The following PKHD1 variants were observed in gnomAD, a reference collection of about 807,000 sequenced individuals.
PKHD1 encodes the protein PKHD1 ciliary IPT domain containing fibrocystin/polyductin, also known as fibrocystin.
In PKHD1, 291 loss-of-function variants were observed where a neutral mutation model predicts 412.0. That is an observed-to-expected ratio of 0.71 (90% CI 0.64 to 0.78). The LOEUF is 0.78. PKHD1 is among the 30% of genes least tolerant of loss of function. The pLI is 0.00. For synonymous variants in PKHD1, 1,777 were observed against 1,821.5 expected, an observed-to-expected ratio of 0.98 and a Z score of 0.62; for missense variants, 4,825 against 4,950.7, an observed-to-expected ratio of 0.97 and a Z score of 0.76.
chr6:52,035,483 A>G, intron 28 of PKHD1, 108 bp downstream of exon 28: 2 of 1,098,438 alleles, frequency 1.8e-6, no homozygotes, highest in Non-Finnish European at 2.8e-6. Context: ...TATCATAATG[A>G]GAAGTTTACA....
chr6:51,685,199 TAA>T (rs1777251586), intron 60 of PKHD1, among the ~76,000 whole-genome samples: 1 of 152,042 alleles, frequency 6.6e-6, no homozygotes, highest in African/African-American at 2.4e-5. Context: ...CTGTTAGGAG[TAA>T]GAGTGGGAGA....
At position 51,918,501 on chromosome 6, in the gene PKHD1, A is replaced by T. The variant is rs565928909; in HGVS notation, c.6122-5925T>A. Among the ~76,000 whole-genome samples, 3 of 152,278 alleles carry T rather than the reference A, an allele frequency of 2.0e-5. No homozygotes were observed. In the East Asian group the frequency reaches 5.8e-4, roughly 29 times the overall value. ...AGAATGATGGTTTCCAGCTTCATCC[A>T]TGTCCCTGCAAAGGACATGAACTCA... On this transcript the variant is annotated intron_variant, in intron 37 of 66. Transcript: ENST00000371117.
intron 65 of PKHD1, among the ~76,000 whole-genome samples, chr6:51,628,220 C>G (rs1214117920): frequency 6.6e-6 from 1 of 152,014 alleles, no homozygotes; most frequent in African/African-American, 2.4e-5. Flanking sequence ...CAACCCTTAC[C>G]CCCCTCCCAC....
intron 48 of PKHD1, among the ~76,000 whole-genome samples, chr6:51,863,563 A>C (rs1264961106): frequency 6.6e-6 from 1 of 152,212 alleles, no homozygotes; most frequent in Non-Finnish European, 1.5e-5. Flanking sequence ...AATAAAGGCA[A>C]ACTGATGATT....
intron 55 of PKHD1, among the ~76,000 whole-genome samples, chr6:51,761,869 T>C (rs560014482): frequency 6.6e-6 from 1 of 152,190 alleles, no homozygotes; most frequent in East Asian, 1.9e-4. Context: ...AGTTTCCTCA[T>C]AATCCAGCTC....
At chr6:52,086,028 T>C (rs1812718205) in intron 1 of PKHD1, among the ~76,000 whole-genome samples, 1 of 148,084 alleles carries the variant, frequency 6.8e-6, no homozygotes, top group African/African-American at 2.5e-5. Flanking sequence ...ATGTTTATGT[T>C]TATTACATAT....
intron 52 of PKHD1, among the ~76,000 whole-genome samples, chr6:51,829,121 C>T (rs1316881089): frequency 1.3e-5 from 2 of 152,284 alleles, no homozygotes; most frequent in Middle Eastern, 3.4e-3. Context: ...GAAAGGCCAA[C>T]TGGAAAGTCC....
intron 52 of PKHD1, among the ~76,000 whole-genome samples, chr6:51,809,467 C>T (rs1482765383): frequency 1.3e-5 from 2 of 152,024 alleles, no homozygotes; most frequent in South Asian, 2.1e-4. Context: ...GACCAATCCT[C>T]CCCAAAATAA....
chr6:52,007,309 A>G (rs2128109809), intron 35 of PKHD1, among the ~76,000 whole-genome samples: 1 of 152,348 alleles, frequency 6.6e-6, no homozygotes, highest in East Asian at 1.9e-4. Flanking sequence ...TCCCACCAGC[A>G]GTGTAGAAAT....
At chr6:51,825,533 C>A (rs1767155569) in intron 52 of PKHD1, among the ~76,000 whole-genome samples, 1 of 152,078 alleles carries the variant, frequency 6.6e-6, no homozygotes, top group African/African-American at 2.4e-5. Context: ...CAATAACCAG[C>A]ATCAAGGCCC....
chr6:51,665,083 C>T (rs1164357903), intron 60 of PKHD1, among the ~76,000 whole-genome samples: 3 of 151,988 alleles, frequency 2.0e-5, no homozygotes, highest in Non-Finnish European at 1.5e-5. Flanking sequence ...ATCTTCTTGA[C>T]AAAACATACA....
chr6:51,988,927 C>A (rs2128060071), intron 35 of PKHD1, among the ~76,000 whole-genome samples: 1 of 152,330 alleles, frequency 6.6e-6, no homozygotes, highest in East Asian at 1.9e-4. Flanking sequence ...AACGATGAGC[C>A]TGCACAGCAC....
At chr6:51,899,539 G>A (rs1407634058) in intron 43 of PKHD1, among the ~76,000 whole-genome samples, 1 of 151,254 alleles carries the variant, frequency 6.6e-6, no homozygotes, top group African/African-American at 2.4e-5. Context: ...AGCTATCTAT[G>A]ACAAACCCAC....
chr6:52,035,615 T>C lies in PKHD1; in HGVS notation c.3204A>G (p.Arg1068=), dbSNP rs1287587646. The C allele has an allele frequency of 1.9e-6, 3 of 1,613,904 alleles. No individual in the cohort carries two copies. Among genetic ancestry groups the C allele is most frequent in the Non-Finnish European group, 2.5e-6 (3 of 1,179,936 alleles). Residue 1068 remains arginine (R), a synonymous_variant, in exon 28 of 67, where the codon AGA becomes AGG. Coordinates refer to ENST00000371117, the MANE Select transcript of PKHD1 (RefSeq NM_138694.4). ...CCCTGGGTGGAACTTTGCACTGAATTCTGCTTGAATTGCTTGTAGCGACAT... is the reference window on the plus strand; with the variant it reads ...CCCTGGGTGGAACTTTGCACTGAATCCTGCTTGAATTGCTTGTAGCGACAT... ...AINVATSNSS[R]IQCKVPPRGK... is the part of the protein sequence containing the mutation.
At chr6:51,786,037 T>C (rs1278567234) in intron 53 of PKHD1, among the ~76,000 whole-genome samples, 1 of 152,206 alleles carries the variant, frequency 6.6e-6, no homozygotes, top group Non-Finnish European at 1.5e-5. Flanking sequence ...ATTAACTAAT[T>C]TACTTTTTTA....
chr6:51,664,597 G>A (rs1773413408), intron 60 of PKHD1, among the ~76,000 whole-genome samples: 2 of 152,158 alleles, frequency 1.3e-5, no homozygotes, highest in African/African-American at 4.8e-5. Flanking sequence ...TGTGCATGCA[G>A]TAAGATTTTG....
intron 46 of PKHD1, among the ~76,000 whole-genome samples, chr6:51,880,676 T>A (rs1226654290): frequency 5.9e-5 from 2 of 33,770 alleles, no homozygotes; most frequent in Non-Finnish European, 9.5e-5. Flanking sequence ...AGATGACACG[T>A]TAGTGGGTGC....
chr6:51,972,233 A>G (rs1793776958), intron 35 of PKHD1, among the ~76,000 whole-genome samples: 1 of 152,212 alleles, frequency 6.6e-6, no homozygotes, highest in African/African-American at 2.4e-5. Context: ...GGAACAAGAA[A>G]AACTCATTCT....
chr6:51,685,128 G>A (rs996181536), intron 60 of PKHD1, among the ~76,000 whole-genome samples: 8 of 152,044 alleles, frequency 5.3e-5, no homozygotes, highest in East Asian at 1.9e-4. Flanking sequence ...AATAGAAGCC[G>A]CCTTCTGGGA....
Sources: allele counts gnomAD v4.1 joint callset (sites outside exome capture counted in the v4.1 genomes callset), GRCh38; gene constraint gnomAD v4.1.1; transcripts MANE v1.5; gene names NCBI Gene and HGNC (gene_info 2026-07-23, HGNC 2026-07-21).